Variants in ARHGAP18 observed in about 807,000 individuals in gnomAD.
ARHGAP18 encodes rho GTPase-activating protein 18.
Under a neutral mutation model 86.2 loss-of-function variants are expected in ARHGAP18, and 67 were observed. That is an observed-to-expected ratio of 0.78 (90% confidence interval 0.64 to 0.95). The LOEUF is 0.95. Ranked by LOEUF, ARHGAP18 falls within the 40% of genes least tolerant of loss-of-function variation. ARHGAP18 has a pLI of 0.00. For synonymous variants in ARHGAP18, 283 were observed against 280.4 expected, an observed-to-expected ratio of 1.01 and a Z score of -0.09; for missense variants, 691 against 780.4, an observed-to-expected ratio of 0.89 and a Z score of 1.37.
chr6:129,639,865 T>C (rs1385327016), intron 2 of ARHGAP18, among the ~76,000 whole-genome samples: 1 of 151,628 alleles, frequency 6.6e-6, no homozygotes, highest in Admixed American at 6.6e-5. Context: ...GCCAACATGG[T>C]GAAACCCCCT....
chr6:129,695,506 C>T (rs1026952877), intron 1 of ARHGAP18, among the ~76,000 whole-genome samples: 4 of 152,140 alleles, frequency 2.6e-5, no homozygotes, highest in Non-Finnish European at 5.9e-5. Context: ...AGAGCTGCTA[C>T]CCTGGACTTT....
intron 5 of ARHGAP18, among the ~76,000 whole-genome samples, chr6:129,623,466 G>A (rs748625577): frequency 6.6e-6 from 1 of 152,124 alleles, no homozygotes; most frequent in Non-Finnish European, 1.5e-5. Flanking sequence ...GGAGAAATTT[G>A]AATCCACGAT....
intron 1 of ARHGAP18, among the ~76,000 whole-genome samples, chr6:129,668,362 T>TCACTCACACA (rs1774079911): frequency 1.5e-5 from 2 of 137,758 alleles, no homozygotes; most frequent in Non-Finnish European, 3.1e-5. Context: ...ACCCAAATAA[T>TCACTCACACA]CACACACACA....
chr6:129,696,950 C>G (rs982778716), intron 1 of ARHGAP18, among the ~76,000 whole-genome samples: 1 of 152,182 alleles, frequency 6.6e-6, no homozygotes, highest in Admixed American at 6.5e-5. Context: ...AGAAGTGTAT[C>G]CTATTCCTCC....
At chr6:129,642,142 G>C (rs1773481101) in intron 1 of ARHGAP18, 124 bp from the exon 2 acceptor site, 2 of 808,240 alleles carry the variant, frequency 2.5e-6, no homozygotes, top group Non-Finnish European at 3.9e-6. Flanking sequence ...TAAAACTAAA[G>C]GAATATATAT....
chr6:129,610,322 T>C (rs571540244), intron 8 of ARHGAP18, among the ~76,000 whole-genome samples: 8 of 152,306 alleles, frequency 5.3e-5, no homozygotes, highest in African/African-American at 1.9e-4. Context: ...ATTGGAAGCT[T>C]TATCCCCCAG....
intron 12 of ARHGAP18, among the ~76,000 whole-genome samples, chr6:129,598,719 C>A (rs1459505557): frequency 1.3e-5 from 2 of 151,906 alleles, no homozygotes; most frequent in African/African-American, 2.4e-5. Flanking sequence ...AAATTGAGAA[C>A]CTTCAAATAC....
At chr6:129,614,583 G>A (rs1173590913) in intron 7 of ARHGAP18, among the ~76,000 whole-genome samples, 6 of 151,974 alleles carry the variant, frequency 3.9e-5, no homozygotes, top group African/African-American at 1.5e-4. Flanking sequence ...TTTCTTAATA[G>A]ACTGGATGCA....
At chr6:129,678,664 C>T (rs190138396) in intron 1 of ARHGAP18, among the ~76,000 whole-genome samples, 6 of 152,268 alleles carry the variant, frequency 3.9e-5, no homozygotes, top group East Asian at 1.9e-4. Flanking sequence ...ACAAAAAATA[C>T]GTATGCCTGT....
At chr6:129,625,882 A>G (rs1287070437) in intron 5 of ARHGAP18, among the ~76,000 whole-genome samples, 3 of 72,618 alleles carry the variant, frequency 4.1e-5, no homozygotes, top group African/African-American at 1.9e-4. Flanking sequence ...TTATATATTT[A>G]TATATTATAT....
chr6:129,620,761 G>C (rs1267611948), intron 5 of ARHGAP18, among the ~76,000 whole-genome samples: 1 of 152,300 alleles, frequency 6.6e-6, no homozygotes, highest in East Asian at 1.9e-4. Flanking sequence ...TCCTAAAGCA[G>C]TAATTCTCAA....
intron 1 of ARHGAP18, among the ~76,000 whole-genome samples, chr6:129,663,881 C>A (rs1400175185): frequency 6.6e-6 from 1 of 152,260 alleles, no homozygotes; most frequent in Admixed American, 6.5e-5. Context: ...AAACTGAAGT[C>A]CACCAGGGTG....
intron 1 of ARHGAP18, among the ~76,000 whole-genome samples, chr6:129,651,823 T>C (rs1252846113): frequency 6.6e-6 from 1 of 152,212 alleles, no homozygotes; most frequent in Non-Finnish European, 1.5e-5. Context: ...CTGGCCTAAA[T>C]GCTACTTATT....
intron 1 of ARHGAP18, among the ~76,000 whole-genome samples, chr6:129,677,385 T>G (rs958559571): frequency 1.4e-5 from 2 of 147,326 alleles, no homozygotes; most frequent in South Asian, 4.2e-4. Flanking sequence ...AGAGCGAGAC[T>G]CCGTCTCAAA....
In ARHGAP18 at chr6:129,634,097, A is replaced by G. The variant is rs1427088505; in HGVS notation, c.561T>C (p.Gly187=). 1 of 1,613,680 alleles carries G rather than the reference A, an allele frequency of 6.2e-7. No homozygotes were observed. Among genetic ancestry groups the G allele is most frequent in the East Asian group, 2.2e-5 (1 of 44,862 alleles). The change falls in exon 4 of 15, where the codon GGT becomes GGC. Residue 187 remains glycine, a synonymous_variant. Transcript: ENST00000368149. ...QQRESKETAP[G]GTESQSLRTN... is the part of the protein sequence containing the mutation. ...TTCTAAGTGACTGCGATTCAGTGCC[A>G]CCTGGAGCCTAAACATAGAAAACAG...
chr6:129,693,942 G>A (rs554873932), intron 1 of ARHGAP18, among the ~76,000 whole-genome samples: 11 of 152,156 alleles, frequency 7.2e-5, no homozygotes, highest in African/African-American at 2.2e-4. Context: ...ACGTCAAGGC[G>A]GCACAAAATT....
chr6:129,597,751 G>A (rs1788643831), intron 12 of ARHGAP18, among the ~76,000 whole-genome samples: 1 of 152,022 alleles, frequency 6.6e-6, no homozygotes, highest in Admixed American at 6.6e-5. Flanking sequence ...ACTCAAAGAG[G>A]TAAAGTTACA....
intron 3 of ARHGAP18, among the ~76,000 whole-genome samples, chr6:129,635,186 A>G (rs937048898): frequency 2.0e-5 from 3 of 152,238 alleles, no homozygotes; most frequent in African/African-American, 7.2e-5. Flanking sequence ...TTTTAATAAT[A>G]TTGATAATTC....
chr6:129,605,817 T>C, intron 10 of ARHGAP18, 60 bp downstream of exon 10: 2 of 1,458,468 alleles, frequency 1.4e-6, no homozygotes, highest in South Asian at 2.3e-5. Flanking sequence ...TTGCCACAAA[T>C]AATGAAAAAT....
Sources: gnomAD v4.1 joint callset for allele counts (sites outside exome capture counted in the v4.1 genomes callset) on GRCh38, gnomAD v4.1.1 for gene constraint, MANE v1.5 for transcripts, NCBI Gene and HGNC (gene_info 2026-07-23, HGNC 2026-07-21) for gene names.